The following SBF2 variants were observed in gnomAD, a reference collection of about 807,000 sequenced individuals.
The protein encoded by SBF2 is SET binding factor 2, also known as myotubularin-related protein 13.
Under a neutral mutation model 225.2 loss-of-function variants are expected in SBF2, and 112 were observed. The observed-to-expected ratio is 0.50, with a 90% CI of 0.43 to 0.58. The LOEUF is 0.58. Among genes scored for constraint, SBF2 ranks in the 20% least tolerant of loss-of-function variants. The pLI is 0.00. For missense variants in SBF2, 1,996 were observed against 2,206.2 expected (o/e 0.90, Z 1.91); for synonymous variants, 763 against 773.3 (o/e 0.99, Z 0.22).
At chr11:9,885,739 T>G (rs1026863267) in intron 17 of SBF2, among the ~76,000 whole-genome samples, 1 of 152,220 alleles carries the variant, frequency 6.6e-6, no homozygotes, top group Non-Finnish European at 1.5e-5. Context: ...TTTTATTAAG[T>G]TATTCTGTTG....
At position 9,795,864 on chromosome 11, in the gene SBF2, G is replaced by A. The variant is rs777819419; in HGVS notation, c.4537C>T (p.Leu1513Phe). The A allele has an allele frequency of 6.2e-7, 1 of 1,613,782 alleles. No homozygotes were observed. Among genetic ancestry groups the A allele is most frequent in the Non-Finnish European group, 8.5e-7 (1 of 1,179,846 alleles). The change falls in exon 33 of 40, where the codon CTC becomes TTC. Residue 1513 changes from leucine (L) to phenylalanine (F), a missense_variant. Transcript: ENST00000256190. ...HYVSNRFKTFLLDSDYERLEH... is the reference protein window; with the variant it reads ...HYVSNRFKTFFLDSDYERLEH... ...AATCTTTCATAGTCTGAATCCAGGA[G>A]AAATGTTTTAAAGCGATTAGACACA...
At chr11:10,213,426 CT>C (rs1412285708) in intron 1 of SBF2, among the ~76,000 whole-genome samples, 1 of 152,212 alleles carries the variant, frequency 6.6e-6, no homozygotes, top group African/African-American at 2.4e-5. Context: ...AATCTAAAAT[CT>C]CTCATAGATG....
chr11:10,182,735 TTTGTTG>T (rs201192340), intron 2 of SBF2, among the ~76,000 whole-genome samples: 13 of 151,300 alleles, frequency 8.6e-5, no homozygotes, highest in South Asian at 8.3e-4. Flanking sequence ...TCTATGTCTT[TTTGTTG>T]TTGTTGTTGT....
intron 2 of SBF2, among the ~76,000 whole-genome samples, chr11:10,143,084 C>A (rs1170359129): frequency 6.6e-6 from 1 of 152,152 alleles, no homozygotes; most frequent in Non-Finnish European, 1.5e-5. Flanking sequence ...GCCAATTCTA[C>A]CCACTTTGGT....
chr11:10,114,581 T>G (rs1045874701), intron 2 of SBF2, among the ~76,000 whole-genome samples: 11 of 152,228 alleles, frequency 7.2e-5, no homozygotes, highest in African/African-American at 2.7e-4. Context: ...AACTACACAG[T>G]GGCACATAGA....
chr11:9,903,258 C>G (rs1171431658), intron 16 of SBF2, among the ~76,000 whole-genome samples: 2 of 151,824 alleles, frequency 1.3e-5, no homozygotes, highest in African/African-American at 4.8e-5. Context: ...GGAGGCAGAG[C>G]TTGCAGTGAG....
chr11:9,967,971 C>CTCTCTCTATATATATA (rs1260685462), intron 14 of SBF2, among the ~76,000 whole-genome samples: 8 of 91,504 alleles, frequency 8.7e-5, no homozygotes, highest in African/African-American at 2.6e-4. Context: ...CTCTCTCTCT[C>CTCTCTCTATATATATA]TATATATATA....
chr11:10,115,783 C>G (rs1251661188), intron 2 of SBF2, among the ~76,000 whole-genome samples: 1 of 152,148 alleles, frequency 6.6e-6, no homozygotes, highest in Non-Finnish European at 1.5e-5. Flanking sequence ...CAGGATGTAT[C>G]TTTCAATTAA....
At chr11:9,942,290 C>T (rs1402474911) in intron 16 of SBF2, among the ~76,000 whole-genome samples, 1 of 152,200 alleles carries the variant, frequency 6.6e-6, no homozygotes, top group Non-Finnish European at 1.5e-5. Flanking sequence ...TGGGCTCAAG[C>T]AATCTTCCTG....
chr11:10,115,208 A>G (rs988951258), intron 2 of SBF2, among the ~76,000 whole-genome samples: 4 of 152,210 alleles, frequency 2.6e-5, no homozygotes, highest in African/African-American at 9.6e-5. Flanking sequence ...TATTCAAGTC[A>G]TACCAGATAT....
At position 10,155,404 on chromosome 11, in the gene SBF2, T is replaced by C. The variant is rs186590854; in HGVS notation, c.141+38498A>G. On this transcript the variant is annotated intron_variant, in intron 2 of 39. Transcript: ENST00000256190. Reference sequence around the variant, plus strand: ...ATTAGAAGAGGGTGGAACAAACTCATAAGTATGAGGCCTCCCTGGTTCAAA... The same window carrying C: ...ATTAGAAGAGGGTGGAACAAACTCACAAGTATGAGGCCTCCCTGGTTCAAA... 1.6e-4 allele frequency among the ~76,000 whole-genome samples: 24 copies of C among 152,056 alleles called. No homozygotes were observed. The East Asian group carries it at 4.4e-3, about 28-fold the overall frequency.
chr11:10,274,489 G>C (rs1962794754), intron 1 of SBF2, among the ~76,000 whole-genome samples: 1 of 152,042 alleles, frequency 6.6e-6, no homozygotes, highest in Non-Finnish European at 1.5e-5. Context: ...AGTCGCTCAC[G>C]CCTATAATCC....
chr11:10,167,082 T>G (rs1955992415), intron 2 of SBF2, among the ~76,000 whole-genome samples: 1 of 152,182 alleles, frequency 6.6e-6, no homozygotes, highest in Non-Finnish European at 1.5e-5. Context: ...ATACTTGTAC[T>G]TAATGATAAG....
intron 13 of SBF2, 66 bp from the exon 14 acceptor site, chr11:9,968,611 G>T: frequency 7.6e-7 from 1 of 1,315,130 alleles, no homozygotes; most frequent in Non-Finnish European, 1.1e-6. Context: ...ACCAGGAAGG[G>T]AGTGGGAGCT....
Position 9,856,734 on chromosome 11 carries a change from C to A in SBF2, c.2101-14G>T, listed in dbSNP as rs1302836200. Reference sequence around the variant, plus strand: ...AGGAAGCTTATCCTAAAAAATAAAGCAACACAATCCAAAAGAGAACCATCA... The same window carrying A: ...AGGAAGCTTATCCTAAAAAATAAAGAAACACAATCCAAAAGAGAACCATCA... On this transcript the variant is annotated splice_polypyrimidine_tract_variant and intron_variant, in intron 18 of 39. Coordinates refer to ENST00000256190, the MANE Select transcript of SBF2 (RefSeq NM_030962.4). The A allele has an allele frequency of 6.2e-6, 10 of 1,611,828 alleles. No individual in the cohort carries two copies. Among genetic ancestry groups the A allele is most frequent in the Non-Finnish European group, 7.6e-6 (9 of 1,179,560 alleles).
At chr11:9,912,715 C>T (rs1862742681) in intron 16 of SBF2, among the ~76,000 whole-genome samples, 1 of 152,164 alleles carries the variant, frequency 6.6e-6, no homozygotes, top group Admixed American at 6.5e-5. Context: ...ATCTACAGTA[C>T]ACTCCTACTT....
chr11:9,856,461 T>C lies in SBF2; in HGVS notation c.2360A>G (p.Asn787Ser), dbSNP rs1409704482. 1.9e-6 allele frequency: 3 copies of C among 1,613,634 alleles called. No individual in the cohort carries two copies. In the South Asian group the frequency reaches 3.3e-5, roughly 18 times the overall value. Residue 787 changes from asparagine (N) to serine (S), a missense_variant, in exon 19 of 40, where the codon AAC (asparagine) becomes AGC (serine). Asn to Ser is a conservative substitution (Grantham distance 46). Transcript: ENST00000256190. Reference sequence around the variant, plus strand: ...CTGTGTGTTCACATTTTGGTACCTGTTTGTGACAATGCTGTTGCTTCCGCT... The same window carrying C: ...CTGTGTGTTCACATTTTGGTACCTGCTTGTGACAATGCTGTTGCTTCCGCT... ...WESGSNSIVT[N>S]SIAGSVAESY... is the part of the protein sequence containing the mutation.
At chr11:10,059,206 C>A (rs1035200212) in intron 2 of SBF2, among the ~76,000 whole-genome samples, 2 of 151,994 alleles carry the variant, frequency 1.3e-5, no homozygotes, top group African/African-American at 4.8e-5. Context: ...TTAAAAGGCA[C>A]AAAGTAGCAA....
At chr11:10,094,387 C>CA (rs1337498320) in intron 2 of SBF2, among the ~76,000 whole-genome samples, 1 of 151,970 alleles carries the variant, frequency 6.6e-6, no homozygotes, top group African/African-American at 2.4e-5. Flanking sequence ...TTCCCACTTC[C>CA]ATTTAGAATC....
Sources: allele counts gnomAD v4.1 joint callset (sites outside exome capture counted in the v4.1 genomes callset), GRCh38; gene constraint gnomAD v4.1.1; transcripts MANE v1.5; gene names NCBI Gene and HGNC (gene_info 2026-07-23, HGNC 2026-07-21).